EYS: variants seen among roughly 807,000 people sequenced by gnomAD.
The protein encoded by EYS is protein eyes shut homolog.
Under a neutral mutation model 282.1 loss-of-function variants are expected in EYS, and 250 were observed. That is an observed-to-expected ratio of 0.89 (90% confidence interval 0.80 to 0.98). The LOEUF (loss-of-function observed/expected upper bound fraction) is 0.98, where lower values mean the gene tolerates loss of function less well. Among genes scored for constraint, EYS ranks in the 50% least tolerant of loss-of-function variants. The pLI is 0.00. For synonymous variants in EYS, 1,355 were observed against 1,282.9 expected (o/e 1.06, Z -1.20); for missense variants, 4,016 against 3,709.0 (o/e 1.08, Z -2.15).
chr6:65,432,477 G>C (rs192351525), intron 5 of EYS, among the ~76,000 whole-genome samples: 7 of 152,112 alleles, frequency 4.6e-5, no homozygotes, highest in Admixed American at 4.6e-4. Context: ...AAAGAGGGTG[G>C]GGTTGCTCAG....
At chr6:63,877,055 T>C (rs928674041) in intron 35 of EYS, among the ~76,000 whole-genome samples, 1 of 152,236 alleles carries the variant, frequency 6.6e-6, no homozygotes, top group Non-Finnish European at 1.5e-5. Context: ...TGCAGTTTCT[T>C]CCTAGCCTTG....
intron 26 of EYS, among the ~76,000 whole-genome samples, chr6:64,509,867 A>G (rs536150559): frequency 6.6e-6 from 1 of 152,328 alleles, no homozygotes; most frequent in East Asian, 1.9e-4. Context: ...TATAGGCAAG[A>G]ACTAAGCCAA....
chr6:64,119,356 G>T (rs1415510786), intron 31 of EYS, among the ~76,000 whole-genome samples: 2 of 152,148 alleles, frequency 1.3e-5, no homozygotes, highest in East Asian at 1.9e-4. Flanking sequence ...TATACCACTT[G>T]ATTGAATTTC....
intron 16 of EYS, among the ~76,000 whole-genome samples, chr6:64,909,821 A>G (rs1036456373): frequency 5.3e-5 from 8 of 152,128 alleles, no homozygotes; most frequent in Admixed American, 3.9e-4. Flanking sequence ...ACTAACCAAA[A>G]TAGCTTACCT....
chr6:65,222,192 T>C (rs961695691), intron 12 of EYS, among the ~76,000 whole-genome samples: 2 of 152,130 alleles, frequency 1.3e-5, no homozygotes, highest in Non-Finnish European at 2.9e-5. Context: ...TGATTGATTT[T>C]GAAACTTGAG....
At chr6:65,056,507 T>C (rs1463785670) in intron 13 of EYS, among the ~76,000 whole-genome samples, 1 of 151,986 alleles carries the variant, frequency 6.6e-6, no homozygotes, top group African/African-American at 2.4e-5. Flanking sequence ...GGAGGATCAC[T>C]TAAGCCCAGG....
At position 65,204,975 on chromosome 6, in the gene EYS, CTAGAAGAATATA is replaced by C. The variant is rs1159167310; in HGVS notation, c.2023+90876_2023+90887del. Among the ~76,000 whole-genome samples the C allele has an allele frequency of 7.3e-4, 83 of 113,030 alleles. 1 individual carries two copies. The highest frequency in any genetic ancestry group is 1.3e-3 in the South Asian group (5 of 3,802). The allele number at this position is 113,030 out of a possible 152,430, so 74.2% of individuals were successfully genotyped here. A position where few individuals can be genotyped will look rare whatever the true frequency, so the allele number is the denominator to read the frequency against. On this transcript the variant is annotated intron_variant, in intron 12 of 42. Coordinates refer to ENST00000503581, the MANE Select transcript of EYS (RefSeq NM_001142800.2). ...TTCTAGAAGAATATATTTATATATT[CTAGAAGAATATA>C]TTTATATATTCTAGAAGAATATATT...
rs1023959236 is a variant in EYS, at chr6:65,382,494, T to C, written c.1299+1892A>G. 1.1e-4 allele frequency among the ~76,000 whole-genome samples: 17 copies of C among 150,856 alleles called. 1 individual carries two copies. The highest frequency in any genetic ancestry group is 6.2e-4 in the South Asian group (3 of 4,802). ...GTGTGTGTGTGTGTGTGTGTGTGTG[T>C]GTGTGTGTGCTCTTCTAGTTCATCC... On this transcript the variant is annotated intron_variant, in intron 8 of 42. Coordinates refer to ENST00000503581, the MANE Select transcript of EYS (RefSeq NM_001142800.2).
chr6:65,023,436 A>G (rs1772307485), intron 13 of EYS, among the ~76,000 whole-genome samples: 1 of 152,202 alleles, frequency 6.6e-6, no homozygotes, highest in Non-Finnish European at 1.5e-5. Flanking sequence ...TCAAGGGAGA[A>G]AAATTGTTGA....
At chr6:65,154,602 G>A (rs550214875) in intron 12 of EYS, among the ~76,000 whole-genome samples, 1 of 151,594 alleles carries the variant, frequency 6.6e-6, no homozygotes, top group South Asian at 2.1e-4. Flanking sequence ...AAACTGTAAT[G>A]GTTATATGAG....
At position 64,499,000 on chromosome 6, in the gene EYS, T is replaced by C. The variant is rs564234062; in HGVS notation, c.5645-59648A>G. On this transcript the variant is annotated intron_variant, in intron 26 of 42. Transcript: ENST00000503581. The stretch of plus-strand genomic sequence containing the variant: ...CCAGTAATAAGATTGTTGGGCGAAA[T>C]GGTATTTCTGGTTCTAGATCCTTGA... 3.0e-4 allele frequency among the ~76,000 whole-genome samples: 45 copies of C among 152,216 alleles called. No individual in the cohort carries two copies. The South Asian group carries it at 7.0e-3, about 24-fold the overall frequency.
chr6:64,983,040 G>A (rs1467178247), intron 14 of EYS, among the ~76,000 whole-genome samples: 5 of 150,966 alleles, frequency 3.3e-5, no homozygotes, highest in South Asian at 4.1e-4. Flanking sequence ...TGGATTAAAC[G>A]GTTCTTATTT....
chr6:64,438,953 A>T (rs1252418644), intron 27 of EYS, among the ~76,000 whole-genome samples: 2 of 151,704 alleles, frequency 1.3e-5, no homozygotes, highest in Non-Finnish European at 3.0e-5. Flanking sequence ...TTATATTATT[A>T]TTAAATCAGT....
chr6:65,524,950 C>A lies in EYS; in HGVS notation c.-332-28957G>T, dbSNP rs544064055. Among the ~76,000 whole-genome samples, 40 of 152,304 alleles carry A rather than the reference C, an allele frequency of 2.6e-4. No homozygotes were observed. In the South Asian group the frequency reaches 7.9e-3, roughly 30 times the overall value. On this transcript the variant is annotated intron_variant, in intron 2 of 42. Transcript: ENST00000503581. ...ATCGTTGCTGCTGGCAAATTGAGCA[C>A]TGAGCGATGGCTTTAGCCAGGTCAA...
At chr6:64,700,472 C>T (rs1206638002) in intron 22 of EYS, among the ~76,000 whole-genome samples, 2 of 151,884 alleles carry the variant, frequency 1.3e-5, no homozygotes, top group African/African-American at 4.8e-5. Flanking sequence ...TATTCTTATA[C>T]CTAGGAAAGG....
At chr6:64,892,013 T>A (rs945530362) in intron 18 of EYS, among the ~76,000 whole-genome samples, 1 of 152,008 alleles carries the variant, frequency 6.6e-6, no homozygotes, top group African/African-American at 2.4e-5. Context: ...TTCAAGATAC[T>A]TTTTCAATCA....
chr6:64,614,177 TAAG>T (rs1294544016), intron 24 of EYS, among the ~76,000 whole-genome samples: 1 of 152,092 alleles, frequency 6.6e-6, no homozygotes, highest in African/African-American at 2.4e-5. Flanking sequence ...CACACTTCTT[TAAG>T]AAGAATTTTC....
At chr6:63,897,926 G>A (rs929574947) in intron 35 of EYS, among the ~76,000 whole-genome samples, 2 of 152,192 alleles carry the variant, frequency 1.3e-5, no homozygotes. Flanking sequence ...CTTTGTTTCT[G>A]AGGGAGATGA....
At chr6:64,377,424 T>C (rs566656595) in intron 29 of EYS, among the ~76,000 whole-genome samples, 1 of 152,284 alleles carries the variant, frequency 6.6e-6, no homozygotes, top group East Asian at 1.9e-4. Context: ...TGAGGCAGTA[T>C]AGCGTAGGTT....
Sources: allele counts gnomAD v4.1 joint callset (sites outside exome capture counted in the v4.1 genomes callset), GRCh38; gene constraint gnomAD v4.1.1; transcripts MANE v1.5; gene names NCBI Gene and HGNC (gene_info 2026-07-23, HGNC 2026-07-21).